The following SGCZ variants were observed in gnomAD, a reference collection of about 807,000 sequenced individuals.
SGCZ encodes the protein sarcoglycan zeta, also known as zeta-sarcoglycan.
SGCZ carries 40 observed loss-of-function variants against 41.3 expected under a neutral mutation model. The observed-to-expected ratio is 0.97, with a 90% CI of 0.75 to 1.26. The LOEUF is 1.26. Ranked by LOEUF, SGCZ falls within the 50% of genes most tolerant of loss-of-function variation. The pLI, the probability that SGCZ is intolerant of heterozygous loss-of-function variation, is 0.00. For missense variants in SGCZ, 552 were observed against 369.8 expected (o/e 1.49, Z -4.04); for synonymous variants, 206 against 137.5 (o/e 1.50, Z -3.49).
intron 1 of SGCZ, among the ~76,000 whole-genome samples, chr8:14,705,135 C>T (rs983270715): frequency 3.9e-5 from 6 of 151,936 alleles, no homozygotes; most frequent in African/African-American, 7.2e-5. Context: ...GTTCCTTCAA[C>T]ACCCCTTTTT....
chr8:15,066,144 C>T (rs996117439), intron 1 of SGCZ, among the ~76,000 whole-genome samples: 3 of 151,410 alleles, frequency 2.0e-5, no homozygotes, highest in East Asian at 2.0e-4. Flanking sequence ...CCGTCTCTAC[C>T]AAAAATACAA....
At chr8:14,579,561 A>T (rs987957989) in intron 1 of SGCZ, among the ~76,000 whole-genome samples, 2 of 152,212 alleles carry the variant, frequency 1.3e-5, no homozygotes, top group Non-Finnish European at 2.9e-5. Context: ...ATTTTATACA[A>T]ATATGGCAGG....
intron 2 of SGCZ, among the ~76,000 whole-genome samples, chr8:14,513,028 T>A (rs931198236): frequency 3.3e-5 from 5 of 152,280 alleles, no homozygotes; most frequent in Admixed American, 6.5e-5. Flanking sequence ...CCAAATCTTG[T>A]TCGTGCCTTG....
chr8:14,489,467 G>C (rs1204928447), intron 2 of SGCZ, among the ~76,000 whole-genome samples: 1 of 152,074 alleles, frequency 6.6e-6, no homozygotes. Context: ...ATTTGTACAT[G>C]TAAATTAATT....
intron 1 of SGCZ, among the ~76,000 whole-genome samples, chr8:15,110,925 G>A (rs1030287279): frequency 5.9e-5 from 9 of 152,168 alleles, no homozygotes; most frequent in South Asian, 4.2e-4. Context: ...CTGAGGTCGC[G>A]CCATTGCACT....
At chr8:14,626,876 T>G (rs997947071) in intron 1 of SGCZ, among the ~76,000 whole-genome samples, 3 of 152,162 alleles carry the variant, frequency 2.0e-5, no homozygotes, top group African/African-American at 7.2e-5. Flanking sequence ...TACTTTGTGA[T>G]GGTAGCAAAC....
At chr8:14,555,254 A>C (rs1343531689) in intron 1 of SGCZ, among the ~76,000 whole-genome samples, 1 of 152,038 alleles carries the variant, frequency 6.6e-6, no homozygotes, top group Non-Finnish European at 1.5e-5. Context: ...AACTCTACTC[A>C]TGTCCAAGTG....
At chr8:14,579,370 ATTCT>A (rs1186905474) in intron 1 of SGCZ, among the ~76,000 whole-genome samples, 2 of 152,236 alleles carry the variant, frequency 1.3e-5, no homozygotes, top group African/African-American at 4.8e-5. Context: ...GCATGTTCTC[ATTCT>A]TTCTAATTCC....
intron 4 of SGCZ, among the ~76,000 whole-genome samples, chr8:14,227,578 G>T (rs892176405): frequency 6.6e-6 from 1 of 152,046 alleles, no homozygotes; most frequent in African/African-American, 2.4e-5. Flanking sequence ...AACACAGGTT[G>T]CAAATGAATT....
intron 1 of SGCZ, among the ~76,000 whole-genome samples, chr8:15,226,790 T>A (rs147879736): frequency 2.4e-4 from 36 of 152,178 alleles, no homozygotes; most frequent in African/African-American, 8.4e-4. Flanking sequence ...ATAAAACAGA[T>A]TAGAAAAGGT....
At chr8:15,026,920 T>C (rs961222652) in intron 1 of SGCZ, among the ~76,000 whole-genome samples, 1 of 152,176 alleles carries the variant, frequency 6.6e-6, no homozygotes, top group Non-Finnish European at 1.5e-5. Context: ...TACTCAGCAA[T>C]CACCAATTGT....
chr8:14,657,767 A>G (rs1807623591), intron 1 of SGCZ, among the ~76,000 whole-genome samples: 1 of 152,190 alleles, frequency 6.6e-6, no homozygotes, highest in Non-Finnish European at 1.5e-5. Flanking sequence ...AAATATTCAG[A>G]CTATAGTTTG....
chr8:14,142,263 A>T (rs569655173), intron 5 of SGCZ, among the ~76,000 whole-genome samples: 1 of 152,248 alleles, frequency 6.6e-6, no homozygotes, highest in East Asian at 1.9e-4. Context: ...ACATGTATAC[A>T]TATGTAGCAT....
intron 1 of SGCZ, among the ~76,000 whole-genome samples, chr8:14,646,122 A>G (rs1334438624): frequency 6.6e-6 from 1 of 151,862 alleles, no homozygotes; most frequent in East Asian, 1.9e-4. Context: ...GTTATACCGC[A>G]TGATGCTGAG....
intron 1 of SGCZ, among the ~76,000 whole-genome samples, chr8:14,572,420 C>G (rs1449019601): frequency 6.6e-6 from 1 of 152,124 alleles, no homozygotes; most frequent in Non-Finnish European, 1.5e-5. Flanking sequence ...ATATTAGTAG[C>G]AAACAATCAA....
At chr8:14,562,789 C>T (rs897034156) in intron 1 of SGCZ, among the ~76,000 whole-genome samples, 10 of 151,938 alleles carry the variant, frequency 6.6e-5, no homozygotes, top group Admixed American at 3.9e-4. Flanking sequence ...CCAATACCAA[C>T]GTATACAAAA....
At chr8:14,403,646 A>G (rs954541843) in intron 2 of SGCZ, among the ~76,000 whole-genome samples, 1 of 152,118 alleles carries the variant, frequency 6.6e-6, no homozygotes, top group Non-Finnish European at 1.5e-5. Flanking sequence ...TATTTATTTT[A>G]GTGTTCATCA....
At chr8:14,689,024 G>A (rs1048792664) in intron 1 of SGCZ, among the ~76,000 whole-genome samples, 4 of 152,154 alleles carry the variant, frequency 2.6e-5, no homozygotes, top group African/African-American at 9.6e-5. Context: ...AAATTTTAAA[G>A]CAAGCACAGT....
At chr8:14,718,688 C>A (rs1809778392) in intron 1 of SGCZ, among the ~76,000 whole-genome samples, 1 of 151,718 alleles carries the variant, frequency 6.6e-6, no homozygotes, top group African/African-American at 2.4e-5. Context: ...AAGATAAATT[C>A]AAATGACAGT....
Sources: allele counts gnomAD v4.1 joint callset (sites outside exome capture counted in the v4.1 genomes callset), GRCh38; gene constraint gnomAD v4.1.1; transcripts MANE v1.5; gene names NCBI Gene and HGNC (gene_info 2026-07-23, HGNC 2026-07-21).